NLGN1: variants seen among roughly 807,000 people sequenced by gnomAD.
NLGN1 encodes neuroligin-1.
In NLGN1, 12 loss-of-function variants were observed where a neutral mutation model predicts 65.5. The ratio of observed to expected loss-of-function variants is 0.18; its 90% confidence interval spans 0.12 to 0.30. The LOEUF (loss-of-function observed/expected upper bound fraction) is 0.30. NLGN1 is among the 10% of genes least tolerant of loss of function. NLGN1 has a pLI of 1.00. For missense variants in NLGN1, 750 were observed against 1,007.1 expected, an observed-to-expected ratio of 0.74 and a Z score of 3.46; for synonymous variants, 350 against 359.5, an observed-to-expected ratio of 0.97 and a Z score of 0.30.
intron 4 of NLGN1, among the ~76,000 whole-genome samples, chr3:174,066,763 T>C (rs749188932): frequency 3.3e-5 from 5 of 152,234 alleles, no homozygotes; most frequent in Non-Finnish European, 4.4e-5. Flanking sequence ...AAGGTGTGAT[T>C]TGGCAGGACC....
chr3:173,676,604 G>A (rs1467722069), intron 3 of NLGN1, among the ~76,000 whole-genome samples: 2 of 151,434 alleles, frequency 1.3e-5, no homozygotes, highest in African/African-American at 4.9e-5. Context: ...TTCATAAATT[G>A]GAAAATACAT....
chr3:174,203,626 A>T, intron 4 of NLGN1, among the ~76,000 whole-genome samples: 1 of 152,204 alleles, frequency 6.6e-6, no homozygotes, highest in South Asian at 2.1e-4. Context: ...TGGATGAAAG[A>T]TCAAAGAACA....
intron 4 of NLGN1, among the ~76,000 whole-genome samples, chr3:174,194,682 T>TTG (rs919179549): frequency 4.7e-5 from 7 of 150,502 alleles, no homozygotes; most frequent in East Asian, 1.9e-4. Flanking sequence ...AAATAAACAT[T>TTG]TGTGTGTGTG....
Position 173,702,051 on chromosome 3 carries a change from A to G in NLGN1, c.493+96960A>G, listed in dbSNP as rs1052276292. Among the ~76,000 whole-genome samples the G allele has an allele frequency of 4.6e-5, 7 of 152,086 alleles. No homozygotes were observed. In the East Asian group the frequency reaches 9.7e-4, roughly 21 times the overall value. ...TCAGGAGATCGAGACCATCCCGGCT[A>G]AAACGGTGAAACCCCGTCTCTACTA... is the stretch of plus-strand genomic sequence containing the variant. On this transcript the variant is annotated intron_variant, in intron 3 of 6. Coordinates refer to ENST00000457714, the Ensembl canonical transcript of NLGN1.
chr3:174,076,207 C>T (rs1740864735), intron 4 of NLGN1, among the ~76,000 whole-genome samples: 1 of 151,836 alleles, frequency 6.6e-6, no homozygotes, highest in South Asian at 2.1e-4. Context: ...CAGGCAATAA[C>T]ATAATTCTAA....
At chr3:173,781,288 G>GTA (rs566310984) in intron 3 of NLGN1, among the ~76,000 whole-genome samples, 122 of 152,202 alleles carry the variant, frequency 8.0e-4, no homozygotes, top group Middle Eastern at 6.8e-3. Context: ...AAATATCTGT[G>GTA]TATATTTAAA....
chr3:173,653,921 A>T (rs1366640417), intron 3 of NLGN1, among the ~76,000 whole-genome samples: 1 of 152,124 alleles, frequency 6.6e-6, no homozygotes, highest in East Asian at 1.9e-4. Context: ...AGCCACATGA[A>T]CAGGAGCCAA....
chr3:173,412,311 G>GACACACACACACACAC (rs71162345), intron 1 of NLGN1, among the ~76,000 whole-genome samples: 6 of 147,638 alleles, frequency 4.1e-5, no homozygotes, highest in East Asian at 4.0e-4. Context: ...CTCTCACTCT[G>GACACACACACACACAC]ACACACACAC....
intron 3 of NLGN1, among the ~76,000 whole-genome samples, chr3:173,722,284 C>T (rs1770983067): frequency 8.1e-6 from 1 of 124,132 alleles, no homozygotes; most frequent in African/African-American, 3.1e-5. Flanking sequence ...TGCTCTGTTG[C>T]TCAGGCTGGA....
chr3:173,555,610 G>C lies in NLGN1; in HGVS notation c.-320-48669G>C, dbSNP rs992568888. The stretch of plus-strand genomic sequence containing the variant: ...TTCCTCCTACTCAGCCTCCCAAGTA[G>C]GTGGATGTGCACCACCACATCCAGC... On this transcript the variant is annotated intron_variant, in intron 2 of 6. Coordinates refer to ENST00000457714, the Ensembl canonical transcript of NLGN1. 1.1e-4 allele frequency among the ~76,000 whole-genome samples: 17 copies of C among 151,994 alleles called. 1 individual carries two copies. The highest frequency in any genetic ancestry group is 2.2e-4 in the Non-Finnish European group (15 of 68,008).
At chr3:174,105,830 A>G (rs1220569664) in intron 4 of NLGN1, among the ~76,000 whole-genome samples, 1 of 152,066 alleles carries the variant, frequency 6.6e-6, no homozygotes, top group African/African-American at 2.4e-5. Context: ...ATGGAAATAT[A>G]TACTATTAGC....
At chr3:173,403,248 T>C (rs1030183233) in intron 1 of NLGN1, among the ~76,000 whole-genome samples, 1 of 152,142 alleles carries the variant, frequency 6.6e-6, no homozygotes, top group Non-Finnish European at 1.5e-5. Flanking sequence ...TACTAAATTA[T>C]ACTATATTAC....
intron 4 of NLGN1, among the ~76,000 whole-genome samples, chr3:174,177,207 G>T (rs1729615824): frequency 6.6e-6 from 1 of 151,898 alleles, no homozygotes; most frequent in Admixed American, 6.6e-5. Flanking sequence ...AATATTCATG[G>T]AAAAGTTTTG....
intron 4 of NLGN1, among the ~76,000 whole-genome samples, chr3:174,195,789 G>GAA (rs146808174): frequency 0.12 from 17,455 of 150,950 alleles, 1,147 homozygotes; most frequent in Admixed American, 0.15. Context: ...GAAGTTTGGA[G>GAA]AAAAAAAAAC....
intron 3 of NLGN1, among the ~76,000 whole-genome samples, chr3:173,658,204 C>T (rs1760378548): frequency 6.6e-6 from 1 of 152,046 alleles, no homozygotes; most frequent in East Asian, 1.9e-4. Flanking sequence ...AAAGAGATAT[C>T]GGGTCTTTGC....
chr3:174,164,276 T>A (rs983077371), intron 4 of NLGN1, among the ~76,000 whole-genome samples: 3 of 152,084 alleles, frequency 2.0e-5, no homozygotes, highest in African/African-American at 7.2e-5. Flanking sequence ...GCCCATTTTT[T>A]AATGAAATTA....
intron 2 of NLGN1, among the ~76,000 whole-genome samples, chr3:173,572,585 C>T (rs1744823145): frequency 6.6e-6 from 1 of 152,212 alleles, no homozygotes; most frequent in Admixed American, 6.5e-5. Context: ...GTTGACCCTT[C>T]TGCTTTCATA....
chr3:173,955,494 C>T (rs2152336388), intron 4 of NLGN1, among the ~76,000 whole-genome samples: 1 of 152,204 alleles, frequency 6.6e-6, no homozygotes, highest in East Asian at 1.9e-4. Context: ...CATAAAGAGT[C>T]CATGGTAAAT....
At chr3:174,183,162 C>T (rs1308935295) in intron 4 of NLGN1, among the ~76,000 whole-genome samples, 2 of 152,068 alleles carry the variant, frequency 1.3e-5, no homozygotes, top group Non-Finnish European at 2.9e-5. Flanking sequence ...CACCTCCCGT[C>T]CCCATTGTCT....
Sources: gnomAD v4.1 joint callset for allele counts (sites outside exome capture counted in the v4.1 genomes callset) on GRCh38, gnomAD v4.1.1 for gene constraint, MANE v1.5 for transcripts, NCBI Gene and HGNC (gene_info 2026-07-23, HGNC 2026-07-21) for gene names.